The following PDGFD variants were observed in gnomAD, a reference collection of about 807,000 sequenced individuals.
PDGFD encodes the protein platelet derived growth factor D.
Under a neutral mutation model 44.7 loss-of-function variants are expected in PDGFD, and 30 were observed. That is an observed-to-expected ratio of 0.67 (90% CI 0.50 to 0.91). PDGFD has a LOEUF of 0.91. Among genes scored for constraint, PDGFD ranks in the 40% least tolerant of loss-of-function variants. The pLI is 0.00. For synonymous variants in PDGFD, 173 were observed against 168.4 expected (o/e 1.03, Z -0.21); for missense variants, 445 against 457.8 (o/e 0.97, Z 0.25).
intron 4 of PDGFD, 148 bp from the exon 5 acceptor site, chr11:103,943,798 G>T (rs945096324): frequency 3.3e-6 from 2 of 613,736 alleles, no homozygotes. Context: ...ACATGGTATT[G>T]TCTTGCCATA....
chr11:103,940,812 A>G (rs1343933200), intron 5 of PDGFD, among the ~76,000 whole-genome samples: 1 of 152,110 alleles, frequency 6.6e-6, no homozygotes, highest in Non-Finnish European at 1.5e-5. Context: ...TAAACAAGAG[A>G]TTAAGAAATG....
intron 4 of PDGFD, among the ~76,000 whole-genome samples, chr11:103,946,197 A>G (rs1346103199): frequency 6.6e-6 from 1 of 152,222 alleles, no homozygotes; most frequent in African/African-American, 2.4e-5. Flanking sequence ...AACAAAAACA[A>G]AGTATGGTTT....
intron 1 of PDGFD, among the ~76,000 whole-genome samples, chr11:104,155,764 T>G (rs953869701): frequency 6.6e-6 from 1 of 152,238 alleles, no homozygotes; most frequent in African/African-American, 2.4e-5. Flanking sequence ...CAGCTACATT[T>G]TGTAAAAGCA....
chr11:104,163,986 G>A lies in PDGFD; in HGVS notation c.-59C>T, dbSNP rs1343418147. The A allele has an allele frequency of 1.4e-6, 2 of 1,472,222 alleles. No homozygotes were observed. The allele number at this position is 1,472,222 out of a possible 1,614,324, so 91.2% of individuals were successfully genotyped here. A position where few individuals can be genotyped will look rare whatever the true frequency, so the allele number is the denominator to read the frequency against. On this transcript the variant is annotated 5_prime_UTR_variant, in exon 1 of 7. Coordinates refer to ENST00000393158, the MANE Select transcript of PDGFD (RefSeq NM_025208.5). ...AGAAAAAGCCGGGTTCTGCTCCCGG[G>A]ACCGACGCCGCGCCGCCCTGCGCTC...
chr11:104,091,442 C>A (rs1861211834), intron 1 of PDGFD, among the ~76,000 whole-genome samples: 1 of 152,154 alleles, frequency 6.6e-6, no homozygotes, highest in Non-Finnish European at 1.5e-5. Context: ...GCTACTGGAT[C>A]AGGAAACACT....
intron 1 of PDGFD, chr11:104,037,339 A>C: frequency 6.2e-7 from 1 of 1,614,102 alleles, no homozygotes; most frequent in African/African-American, 1.3e-5. Context: ...AGCCCTGCTC[A>C]GCGGAAGCCT....
At chr11:104,134,668 G>A (rs1272626537) in intron 1 of PDGFD, among the ~76,000 whole-genome samples, 1 of 152,178 alleles carries the variant, frequency 6.6e-6, no homozygotes, top group East Asian at 1.9e-4. Context: ...TCTTCAAGAA[G>A]TGCAAAGTCA....
At chr11:103,964,456 T>C (rs2134339378) in intron 3 of PDGFD, among the ~76,000 whole-genome samples, 1 of 152,302 alleles carries the variant, frequency 6.6e-6, no homozygotes, top group South Asian at 2.1e-4. Flanking sequence ...TTCTAACTCA[T>C]GAGAGAGCCA....
chr11:104,106,784 C>T (rs1178036517), intron 1 of PDGFD, among the ~76,000 whole-genome samples: 2 of 151,186 alleles, frequency 1.3e-5, no homozygotes, highest in Non-Finnish European at 2.9e-5. Flanking sequence ...CACTCTGTTG[C>T]CCAGGTTGGA....
chr11:104,163,509 C>T (rs1862420301), intron 1 of PDGFD, among the ~76,000 whole-genome samples: 1 of 152,124 alleles, frequency 6.6e-6, no homozygotes, highest in African/African-American at 2.4e-5. Flanking sequence ...CGGGATGAGG[C>T]ACCGCATCCT....
intron 1 of PDGFD, chr11:104,038,225 C>T: frequency 3.6e-6 from 2 of 559,956 alleles, no homozygotes; most frequent in East Asian, 3.0e-5. Flanking sequence ...CACTGAAAGG[C>T]ATCCTGGGAA....
At chr11:104,146,639 C>T (rs1337844669) in intron 1 of PDGFD, among the ~76,000 whole-genome samples, 1 of 152,058 alleles carries the variant, frequency 6.6e-6, no homozygotes, top group African/African-American at 2.4e-5. Context: ...TGAAAGGGGC[C>T]AATCAAGGGG....
intron 1 of PDGFD, among the ~76,000 whole-genome samples, chr11:104,116,804 T>C (rs568691350): frequency 2.0e-5 from 3 of 152,124 alleles, no homozygotes; most frequent in East Asian, 3.9e-4. Context: ...ATTTTCATGA[T>C]AGTGAATAAG....
At chr11:104,080,566 A>G (rs183407701) in intron 1 of PDGFD, among the ~76,000 whole-genome samples, 1 of 152,152 alleles carries the variant, frequency 6.6e-6, no homozygotes, top group South Asian at 2.1e-4. Context: ...TTCCTTCCAT[A>G]TTGGTATCAC....
At chr11:104,119,598 A>T (rs1413207456) in intron 1 of PDGFD, among the ~76,000 whole-genome samples, 3 of 95,306 alleles carry the variant, frequency 3.1e-5, no homozygotes, top group African/African-American at 8.8e-5. Flanking sequence ...TATAATATAT[A>T]ATATATTAAT....
intron 2 of PDGFD, among the ~76,000 whole-genome samples, chr11:103,997,468 C>A (rs1050316468): frequency 1.3e-5 from 2 of 152,142 alleles, no homozygotes; most frequent in African/African-American, 4.8e-5. Flanking sequence ...CAGTGATTTA[C>A]AAGGCCCTTA....
intron 1 of PDGFD, among the ~76,000 whole-genome samples, chr11:104,092,712 T>C (rs1350385261): frequency 1.3e-5 from 2 of 152,176 alleles, no homozygotes; most frequent in Non-Finnish European, 2.9e-5. Flanking sequence ...ATAAAGCCTC[T>C]TTTAAAAAAG....
At chr11:104,126,651 T>TA (rs1861845352) in intron 1 of PDGFD, among the ~76,000 whole-genome samples, 1 of 152,140 alleles carries the variant, frequency 6.6e-6, no homozygotes, top group Non-Finnish European at 1.5e-5. Context: ...ATGTAGAGCA[T>TA]ATCTACATAA....
intron 3 of PDGFD, among the ~76,000 whole-genome samples, chr11:103,952,505 C>A (rs1361162803): frequency 1.3e-5 from 2 of 152,144 alleles, no homozygotes; most frequent in Non-Finnish European, 2.9e-5. Flanking sequence ...TGTAGGGAAT[C>A]TAGCACTGTG....
Sources: gnomAD v4.1 joint callset for allele counts (sites outside exome capture counted in the v4.1 genomes callset) on GRCh38, gnomAD v4.1.1 for gene constraint, MANE v1.5 for transcripts, NCBI Gene and HGNC (gene_info 2026-07-23, HGNC 2026-07-21) for gene names.